PLA2R1: variants seen among roughly 807,000 people sequenced by gnomAD.
PLA2R1 encodes secretory phospholipase A2 receptor.
In PLA2R1, 158 loss-of-function variants were observed where a neutral mutation model predicts 195.9. The observed-to-expected ratio is 0.81, with a 90% CI of 0.71 to 0.92. The LOEUF (loss-of-function observed/expected upper bound fraction) is 0.92. Among genes scored for constraint, PLA2R1 ranks in the 40% least tolerant of loss-of-function variants. The pLI is 0.00. For missense variants in PLA2R1, 1,626 were observed against 1,764.6 expected (o/e 0.92, Z 1.41); for synonymous variants, 586 against 598.2 (o/e 0.98, Z 0.30).
the PLA2R1 span, among the ~76,000 whole-genome samples, chr2:159,925,657 G>A: frequency 6.6e-6 from 1 of 152,048 alleles, no homozygotes; most frequent in African/African-American, 2.4e-5. Flanking sequence ...GGAAGGGACT[G>A]TAGTAATATG....
At chr2:159,944,403 ATTG>A (rs1281031804) in intron 28 of PLA2R1, among the ~76,000 whole-genome samples, 6 of 152,120 alleles carry the variant, frequency 3.9e-5, no homozygotes, top group Non-Finnish European at 8.8e-5. Flanking sequence ...TTCTAAAATT[ATTG>A]TTTTTTTTAA....
intron 28 of PLA2R1, 50 bp downstream of exon 28, chr2:159,944,856 A>G (rs748260255): frequency 7.3e-7 from 1 of 1,374,032 alleles, no homozygotes; most frequent in Non-Finnish European, 1.0e-6. Context: ...GTCAGTCAAC[A>G]TTAGTTAAGG....
chr2:159,976,013 G>A, intron 17 of PLA2R1, 55 bp downstream of exon 17: 7 of 1,124,354 alleles, frequency 6.2e-6, no homozygotes, highest in East Asian at 2.6e-5. Flanking sequence ...TCCCTCCCAA[G>A]GGCAAAAGAA....
In PLA2R1 at chr2:159,933,533, CTCT is replaced by C. The variant is rs1030519294; in HGVS notation, c.*8242_*8244del. The C allele has an allele frequency of 6.6e-6, 1 of 151,404 alleles. No homozygotes were observed. Among genetic ancestry groups the C allele is most frequent in the Non-Finnish European group, 1.5e-5 (1 of 67,820 alleles). The allele number at this position is 151,404 out of a possible 1,614,324, so 9.4% of individuals were successfully genotyped here. On this transcript the variant is annotated 3_prime_UTR_variant, in exon 30 of 30. Transcript: ENST00000283243. ...GTCCCCTCTCCTTTTTTTTCTGATT[CTCT>C]TCTTCTTGATATTATTTATGTCACA...
At chr2:160,044,030 G>A (rs1694709012) in intron 2 of PLA2R1, among the ~76,000 whole-genome samples, 2 of 152,164 alleles carry the variant, frequency 1.3e-5, no homozygotes, top group East Asian at 1.9e-4. Flanking sequence ...ACAAAAATGC[G>A]GGATGAATGG....
At position 160,028,855 on chromosome 2, in the gene PLA2R1, C is replaced by A. The variant is rs1693679821; in HGVS notation, c.950G>T (p.Ser317Ile). Residue 317 changes from serine to isoleucine, a missense_variant, in exon 5 of 30, where the codon AGC becomes ATC. By Grantham distance (142) the Ser-to-Ile change is moderately radical. Coordinates refer to ENST00000283243, the MANE Select transcript of PLA2R1 (RefSeq NM_007366.5). ...DGTPLNYLNWSPEVNFEPFVE... is the reference protein window; with the variant it reads ...DGTPLNYLNWIPEVNFEPFVE... ...AAAGAAAACACTGCGGGTACCTGGGCTCCAATTCAGATAGTTGAGCGGCGT... is the reference window on the plus strand; with the variant it reads ...AAAGAAAACACTGCGGGTACCTGGGATCCAATTCAGATAGTTGAGCGGCGT... The A allele has an allele frequency of 6.2e-7, 1 of 1,602,702 alleles. No homozygotes were observed. Among genetic ancestry groups the A allele is most frequent in the Non-Finnish European group, 8.6e-7 (1 of 1,169,400 alleles).
At position 160,028,870 on chromosome 2, in the gene PLA2R1, T is replaced by G. The variant is rs1464135854; in HGVS notation, c.935A>C (p.Asn312Thr). The G allele has an allele frequency of 6.2e-7, 1 of 1,611,200 alleles. No individual in the cohort carries two copies. Among genetic ancestry groups the G allele is most frequent in the Non-Finnish European group, 8.5e-7 (1 of 1,177,204 alleles). The change falls in exon 5 of 30, where the codon AAC (asparagine) becomes ACC (threonine). Residue 312 changes from asparagine (N) to threonine (T), a missense_variant. By Grantham distance (65) the Asn-to-Thr change is moderately conservative. Transcript: ENST00000283243. Reference protein sequence around the residue: ...GWQWSDGTPLNYLNWSPEVNF... With the variant: ...GWQWSDGTPLTYLNWSPEVNF... ...GGTACCTGGGCTCCAATTCAGATAGTTGAGCGGCGTTCCATCAGACCACTG... is the reference window on the plus strand; with the variant it reads ...GGTACCTGGGCTCCAATTCAGATAGGTGAGCGGCGTTCCATCAGACCACTG...
intron 11 of PLA2R1, among the ~76,000 whole-genome samples, chr2:159,999,822 A>C (rs1265243398): frequency 7.2e-5 from 11 of 152,198 alleles, no homozygotes; most frequent in Non-Finnish European, 1.6e-4. Flanking sequence ...ACATGTGCTT[A>C]TCTCTTCTCT....
chr2:159,977,911 C>T (rs999402689), intron 14 of PLA2R1, among the ~76,000 whole-genome samples: 2 of 151,850 alleles, frequency 1.3e-5, no homozygotes, highest in African/African-American at 4.8e-5. Context: ...GCCTGGGTGA[C>T]AGAGCAAGAC....
intron 9 of PLA2R1, among the ~76,000 whole-genome samples, chr2:160,014,911 G>A (rs1389548106): frequency 6.6e-6 from 1 of 152,174 alleles, no homozygotes; most frequent in East Asian, 1.9e-4. Context: ...GAAGGACAGG[G>A]AGAGGGAGGC....
At chr2:160,037,945 T>C (rs1324963853) in intron 3 of PLA2R1, among the ~76,000 whole-genome samples, 2 of 152,222 alleles carry the variant, frequency 1.3e-5, no homozygotes, top group Non-Finnish European at 2.9e-5. Context: ...CACTATGACT[T>C]TCACATTTCA....
chr2:159,984,075 T>A lies in PLA2R1; in HGVS notation c.2038-2A>T, dbSNP rs775624645. On this transcript the variant is annotated splice_acceptor_variant, in intron 12 of 29. Coordinates refer to ENST00000283243, the MANE Select transcript of PLA2R1 (RefSeq NM_007366.5). LOFTEE classifies it high-confidence loss of function. Reference sequence around the variant, plus strand: ...CAGAACTTTTTCACTATGAAATACCTGTATAGTAAAAGAAAATAAATTAAC... The same window carrying A: ...CAGAACTTTTTCACTATGAAATACCAGTATAGTAAAAGAAAATAAATTAAC... The A allele has an allele frequency of 7.0e-7, 1 of 1,432,198 alleles. No homozygotes were observed. Among genetic ancestry groups the A allele is most frequent in the East Asian group, 2.3e-5 (1 of 43,676 alleles). 88.7% of individuals were successfully genotyped at this position (1,432,198 alleles called of 1,614,324 possible). A position where few individuals can be genotyped will look rare whatever the true frequency, so the allele number is the denominator to read the frequency against.
At chr2:160,030,917 T>A (rs761636644) in intron 4 of PLA2R1, among the ~76,000 whole-genome samples, 11 of 152,204 alleles carry the variant, frequency 7.2e-5, no homozygotes, top group Non-Finnish European at 1.3e-4. Context: ...TTATTCAAAT[T>A]TGATGAATAA....
downstream of PLA2R1, among the ~76,000 whole-genome samples, chr2:159,929,234 A>AATCTTC (rs1686539006): frequency 6.6e-6 from 1 of 152,238 alleles, no homozygotes; most frequent in East Asian, 1.9e-4. Context: ...AGTGGGAGAA[A>AATCTTC]ATCTTCACAA....
At chr2:159,950,847 TA>T (rs1560137562) in intron 24 of PLA2R1, among the ~76,000 whole-genome samples, 1 of 152,144 alleles carries the variant, frequency 6.6e-6, no homozygotes, top group East Asian at 1.9e-4. Flanking sequence ...ATATTTTATT[TA>T]AAAAAATGAA....
chr2:159,926,879 C>G, the PLA2R1 span, among the ~76,000 whole-genome samples: 1 of 152,144 alleles, frequency 6.6e-6, no homozygotes, highest in Non-Finnish European at 1.5e-5. Context: ...TGGAGAGGAG[C>G]AGGTGACCAG....
intron 11 of PLA2R1, among the ~76,000 whole-genome samples, chr2:159,996,515 G>A (rs190923188): frequency 2.7e-3 from 414 of 152,098 alleles, no homozygotes; most frequent in African/African-American, 9.4e-3. Flanking sequence ...ATATGTCTAC[G>A]TGTAGTTTTT....
At chr2:159,979,989 C>A (rs2105289940) in intron 13 of PLA2R1, 75 bp from the exon 14 acceptor site, 1 of 808,116 alleles carries the variant, frequency 1.2e-6, no homozygotes, top group South Asian at 1.5e-5. Context: ...CAAAAAATAC[C>A]AGCATGGCAC....
rs370490001 is a variant in PLA2R1, at chr2:159,987,186, C to G, written c.2007G>C (p.Glu669Asp). The change falls in exon 12 of 30, where the codon GAG (glutamate) becomes GAC (aspartate). Residue 669 changes from glutamate (E) to aspartate (D), a missense_variant. Transcript: ENST00000283243. ...WPFHPCYLDW[E>D]SEPGLASCFK... ...AGCAACTGGCCAGACCAGGCTCTGA[C>G]TCCCAGTCCAAATAGCAGGGGTGAA... 2.5e-6 allele frequency: 4 copies of G among 1,614,054 alleles called. No homozygotes were observed. Among genetic ancestry groups the G allele is most frequent in the South Asian group, 1.1e-5 (1 of 91,072 alleles).
Sources: gnomAD v4.1 joint callset for allele counts (sites outside exome capture counted in the v4.1 genomes callset) on GRCh38, gnomAD v4.1.1 for gene constraint, MANE v1.5 for transcripts, NCBI Gene and HGNC (gene_info 2026-07-23, HGNC 2026-07-21) for gene names.